The following OPCML variants were observed in gnomAD, a reference collection of about 807,000 sequenced individuals.
OPCML encodes opioid-binding protein/cell adhesion molecule.
In OPCML, 13 loss-of-function variants were observed where a neutral mutation model predicts 37.8. That is an observed-to-expected ratio of 0.34 (90% CI 0.22 to 0.55). OPCML has a LOEUF of 0.55. Among genes scored for constraint, OPCML ranks in the 20% least tolerant of loss-of-function variants. The pLI is 0.91. For synonymous variants in OPCML, 176 were observed against 168.8 expected (o/e 1.04, Z -0.33); for missense variants, 341 against 435.6 (o/e 0.78, Z 1.93).
chr11:132,729,214 T>C (rs1353640555), intron 2 of OPCML, among the ~76,000 whole-genome samples: 1 of 152,206 alleles, frequency 6.6e-6, no homozygotes, highest in Non-Finnish European at 1.5e-5. Context: ...ACAATGATTT[T>C]ATTTAACAAC....
chr11:132,675,348 T>C (rs1942656835), intron 2 of OPCML, among the ~76,000 whole-genome samples: 1 of 152,146 alleles, frequency 6.6e-6, no homozygotes, highest in Admixed American at 6.5e-5. Context: ...AATGACACAA[T>C]GTATAGCTCT....
chr11:133,162,936 G>A (rs59925216), intron 1 of OPCML, among the ~76,000 whole-genome samples: 2,938 of 152,236 alleles, frequency 0.019, 98 homozygotes, highest in African/African-American at 0.067. Context: ...CCAGCCTTGC[G>A]GTTTTGACCT....
At chr11:132,510,854 C>G (rs1333359773) in intron 4 of OPCML, among the ~76,000 whole-genome samples, 3 of 152,056 alleles carry the variant, frequency 2.0e-5, no homozygotes, top group Non-Finnish European at 4.4e-5. Flanking sequence ...CTGTAAAAAA[C>G]CTACAGATAA....
intron 1 of OPCML, among the ~76,000 whole-genome samples, chr11:133,293,877 GA>G (rs201726110): frequency 0.22 from 19,401 of 90,206 alleles, 2,005 homozygotes; most frequent in South Asian, 0.43. Context: ...ACATCCTAAA[GA>G]AAAAAAAAAA....
chr11:133,091,240 A>T (rs1948901242), intron 1 of OPCML, among the ~76,000 whole-genome samples: 1 of 152,192 alleles, frequency 6.6e-6, no homozygotes. Context: ...CTGTGAGGGC[A>T]TGGATGCTTT....
intron 3 of OPCML, among the ~76,000 whole-genome samples, chr11:132,560,024 C>G (rs1438723618): frequency 1.3e-5 from 2 of 152,206 alleles, no homozygotes; most frequent in East Asian, 3.8e-4. Flanking sequence ...TGAACTTAGT[C>G]ATTTCCCACA....
At chr11:133,399,909 C>T (rs1945365321) in intron 1 of OPCML, among the ~76,000 whole-genome samples, 1 of 150,908 alleles carries the variant, frequency 6.6e-6, no homozygotes, top group Non-Finnish European at 1.5e-5. Context: ...TTTTATGCAT[C>T]TATCTACTAA....
intron 1 of OPCML, among the ~76,000 whole-genome samples, chr11:133,310,041 T>G (rs1437222336): frequency 6.6e-6 from 1 of 152,178 alleles, no homozygotes; most frequent in Non-Finnish European, 1.5e-5. Flanking sequence ...TGTGAAGTAG[T>G]CAGCATCTAG....
intron 1 of OPCML, among the ~76,000 whole-genome samples, chr11:133,018,768 G>A (rs1242196717): frequency 6.6e-6 from 1 of 152,180 alleles, no homozygotes; most frequent in Non-Finnish European, 1.5e-5. Flanking sequence ...CATCACCTAT[G>A]GCCCCGTGTA....
chr11:132,843,559 T>C (rs1941391220), intron 2 of OPCML, among the ~76,000 whole-genome samples: 1 of 151,626 alleles, frequency 6.6e-6, no homozygotes, highest in Non-Finnish European at 1.5e-5. Context: ...TGTGTGTATG[T>C]GAGTGCATGT....
chr11:133,235,622 G>C (rs1306430054), intron 1 of OPCML, among the ~76,000 whole-genome samples: 1 of 152,216 alleles, frequency 6.6e-6, no homozygotes. Flanking sequence ...TGTAAGAGCT[G>C]CAAGAGGTAA....
At chr11:132,473,557 A>G in intron 4 of OPCML, among the ~76,000 whole-genome samples, 1 of 152,230 alleles carries the variant, frequency 6.6e-6, no homozygotes, top group Non-Finnish European at 1.5e-5. Flanking sequence ...TAATTGCAGT[A>G]GCTCATGCCT....
intron 7 of OPCML, among the ~76,000 whole-genome samples, chr11:132,433,337 T>C (rs769375421): frequency 1.2e-4 from 18 of 152,118 alleles, no homozygotes; most frequent in Non-Finnish European, 2.5e-4. Flanking sequence ...GGTCAGAAAA[T>C]ATCACCCTAC....
At chr11:132,916,934 C>T (rs992066504) in intron 2 of OPCML, among the ~76,000 whole-genome samples, 1 of 152,116 alleles carries the variant, frequency 6.6e-6, no homozygotes, top group Non-Finnish European at 1.5e-5. Context: ...ATGAGTCTTC[C>T]CCTTCCTATT....
intron 1 of OPCML, among the ~76,000 whole-genome samples, chr11:133,167,105 G>A (rs551988011): frequency 6.6e-6 from 1 of 152,270 alleles, no homozygotes; most frequent in East Asian, 1.9e-4. Context: ...AAAGCAGAGA[G>A]GTACACGGTG....
intron 1 of OPCML, among the ~76,000 whole-genome samples, chr11:133,445,877 G>A (rs1177980331): frequency 6.6e-6 from 1 of 152,006 alleles, no homozygotes; most frequent in African/African-American, 2.4e-5. Context: ...AAAGTTGATT[G>A]GGAGGATGAG....
chr11:132,439,845 G>A (rs1262979047), intron 4 of OPCML, among the ~76,000 whole-genome samples: 6 of 152,126 alleles, frequency 3.9e-5, no homozygotes, highest in Non-Finnish European at 7.3e-5. Context: ...CAAACACATG[G>A]GCTACCTGCT....
chr11:132,622,298 T>A (rs1027045719), intron 3 of OPCML, among the ~76,000 whole-genome samples: 2 of 148,764 alleles, frequency 1.3e-5, no homozygotes, highest in Non-Finnish European at 1.5e-5. Context: ...AAAAGAGGAG[T>A]CAAACAACAA....
intron 1 of OPCML, among the ~76,000 whole-genome samples, chr11:133,063,510 T>C (rs1948386096): frequency 6.6e-6 from 1 of 152,186 alleles, no homozygotes. Context: ...GTCCTATTAA[T>C]CTGCCGCAAG....
Sources: gnomAD v4.1 joint callset for allele counts (sites outside exome capture counted in the v4.1 genomes callset) on GRCh38, gnomAD v4.1.1 for gene constraint, MANE v1.5 for transcripts, NCBI Gene and HGNC (gene_info 2026-07-23, HGNC 2026-07-21) for gene names.